ERGIC1: variants seen among roughly 807,000 people sequenced by gnomAD.
ERGIC1 encodes the protein endoplasmic reticulum-golgi intermediate compartment 1.
ERGIC1 carries 19 observed loss-of-function variants against 38.3 expected under a neutral mutation model. That is an observed-to-expected ratio of 0.50 (90% confidence interval 0.35 to 0.73). ERGIC1 has a LOEUF of 0.73. ERGIC1 is among the 30% of genes least tolerant of loss of function. The pLI is 0.01. For synonymous variants in ERGIC1, 124 were observed against 157.6 expected (o/e 0.79, Z 1.60); for missense variants, 294 against 389.2 (o/e 0.76, Z 2.06).
intron 9 of ERGIC1, among the ~76,000 whole-genome samples, chr5:172,947,587 G>A (rs1197603926): frequency 6.6e-6 from 1 of 152,210 alleles, no homozygotes; most frequent in Non-Finnish European, 1.5e-5. Flanking sequence ...ATGGGGGCAC[G>A]TTGAGCAAAA....
In ERGIC1 at chr5:172,901,175, A is replaced by C. The variant is rs368049461; in HGVS notation, c.155+4101A>C. Reference sequence around the variant, plus strand: ...AAATGAGGTCACCGTTGGTTGGATCAACATGGCTCCAGCCCCAGCCTGTGG... The same window carrying C: ...AAATGAGGTCACCGTTGGTTGGATCCACATGGCTCCAGCCCCAGCCTGTGG... On this transcript the variant is annotated intron_variant, in intron 3 of 9. Transcript: ENST00000393784. Among the ~76,000 whole-genome samples the C allele has an allele frequency of 3.9e-5, 6 of 152,376 alleles. No individual in the cohort carries two copies. The East Asian group carries it at 1.2e-3, about 29-fold the overall frequency.
At chr5:172,851,051 A>G (rs1261889832) in intron 1 of ERGIC1, among the ~76,000 whole-genome samples, 1 of 151,226 alleles carries the variant, frequency 6.6e-6, no homozygotes, top group Admixed American at 6.6e-5. Context: ...AATACAAAAA[A>G]TTAGCCGGGC....
chr5:172,935,688 CATT>C (rs1167424770), intron 9 of ERGIC1: 1 of 177,846 alleles, frequency 5.6e-6, no homozygotes, highest in Non-Finnish European at 1.2e-5. Context: ...AGATTGAACT[CATT>C]TTTTTTTCCA....
At chr5:172,869,022 C>T (rs1245379037) in intron 1 of ERGIC1, among the ~76,000 whole-genome samples, 5 of 152,358 alleles carry the variant, frequency 3.3e-5, no homozygotes, top group Non-Finnish European at 5.9e-5. Flanking sequence ...ATCATCTTCT[C>T]CAGTGGTTCT....
intron 2 of ERGIC1, among the ~76,000 whole-genome samples, chr5:172,889,199 G>A (rs1452051626): frequency 2.0e-5 from 3 of 151,960 alleles, no homozygotes; most frequent in South Asian, 2.1e-4. Context: ...CAGGAGAATC[G>A]CTTGAAACAG....
At position 172,870,226 on chromosome 5, in the gene ERGIC1, C is replaced by G. The variant is rs373891605; in HGVS notation, c.21-18473C>G. 1.2e-4 allele frequency among the ~76,000 whole-genome samples: 19 copies of G among 152,144 alleles called. 2 individuals are homozygous for G. Among genetic ancestry groups the G allele is most frequent in the Admixed American group, 8.5e-4 (13 of 15,272 alleles). On this transcript the variant is annotated intron_variant, in intron 1 of 9. Coordinates refer to ENST00000393784, the MANE Select transcript of ERGIC1 (RefSeq NM_001031711.3). ...TATTATTTTATTTTTGAAACACTTG[C>G]CATCATTTTTTAATTGGTGATTTTA...
Position 172,846,842 on chromosome 5 carries a change from C to T in ERGIC1, c.20+12409C>T, listed in dbSNP as rs1043239199. ...ACTAAATAAGTTTGCCTCTGTAAAG[C>T]CCTTAGAACTGTGCCTGGCATCTGT... On this transcript the variant is annotated intron_variant, in intron 1 of 9. Transcript: ENST00000393784. The surrounding 1 kb of genome is among the most constrained non-coding windows in gnomAD (Gnocchi z 4.0). Among the ~76,000 whole-genome samples the T allele has an allele frequency of 6.6e-6, 1 of 152,062 alleles. No homozygotes were observed. The highest frequency in any genetic ancestry group is 1.5e-5 in the Non-Finnish European group (1 of 68,008).
rs1292294818 is a variant in ERGIC1 at position 172,952,575 on chromosome 5, G to A, written c.*1759G>A. Reference sequence around the variant, plus strand: ...GGGGATGTCAGTTTCCTATGGAAGAGACACCTCTGACCCGTTATTCTTATA... The same window carrying A: ...GGGGATGTCAGTTTCCTATGGAAGAAACACCTCTGACCCGTTATTCTTATA... On this transcript the variant is annotated 3_prime_UTR_variant, in exon 10 of 10. Transcript: ENST00000393784. 1 of 150,364 alleles carries A rather than the reference G, an allele frequency of 6.7e-6. No homozygotes were observed. Among genetic ancestry groups the A allele is most frequent in the African/African-American group, 2.4e-5 (1 of 40,866 alleles). The allele number at this position is 150,364 out of a possible 1,614,324, so 9.3% of individuals were successfully genotyped here.
In ERGIC1 at chr5:172,837,274, G is replaced by C. The variant is rs1761059604; in HGVS notation, c.20+2841G>C. ...TTCCTGTCTGTGAAATGGGAATGAG[G>C]AGAGTACTCACCGAAGTAGAACAGT... is the stretch of plus-strand genomic sequence containing the variant. On this transcript the variant is annotated intron_variant, in intron 1 of 9. Transcript: ENST00000393784. This position sits in a 1 kb window ranked among gnomAD's most constrained non-coding sequence, Gnocchi z 4.3. 1.3e-5 allele frequency among the ~76,000 whole-genome samples: 2 copies of C among 152,210 alleles called. No individual in the cohort carries two copies. The highest frequency in any genetic ancestry group is 2.9e-5 in the Non-Finnish European group (2 of 68,046).
chr5:172,859,994 G>A (rs1273302681), intron 1 of ERGIC1, among the ~76,000 whole-genome samples: 1 of 152,252 alleles, frequency 6.6e-6, no homozygotes, highest in African/African-American at 2.4e-5. Context: ...AGGTGCTTCT[G>A]TAGAAAGTAC....
chr5:172,905,774 AAT>A (rs1415922285), intron 3 of ERGIC1, among the ~76,000 whole-genome samples: 1 of 152,188 alleles, frequency 6.6e-6, no homozygotes, highest in African/African-American at 2.4e-5. Context: ...TGCAAGACTT[AAT>A]AGAGTGAAAA....
intron 9 of ERGIC1, among the ~76,000 whole-genome samples, chr5:172,939,810 T>A (rs1763969759): frequency 6.6e-6 from 1 of 152,176 alleles, no homozygotes; most frequent in Non-Finnish European, 1.5e-5. Flanking sequence ...TTGTGGAGCT[T>A]CAAAGGCCCT....
chr5:172,893,781 A>ACATAGAT (rs1762627113), intron 2 of ERGIC1, among the ~76,000 whole-genome samples: 1 of 149,184 alleles, frequency 6.7e-6, no homozygotes, highest in Non-Finnish European at 1.5e-5. Context: ...CAGTAAACTG[A>ACATAGAT]TGTGGAACCT....
chr5:172,839,172 C>T (rs1010836867), intron 1 of ERGIC1, among the ~76,000 whole-genome samples: 3 of 146,234 alleles, frequency 2.1e-5, no homozygotes, highest in Non-Finnish European at 3.0e-5. Flanking sequence ...GCCCGGGAGA[C>T]GGAGGTTGCA....
intron 1 of ERGIC1, among the ~76,000 whole-genome samples, chr5:172,836,118 A>G (rs942559957): frequency 6.6e-6 from 1 of 152,178 alleles, no homozygotes; most frequent in African/African-American, 2.4e-5. Context: ...CCGTCTTACC[A>G]AGGAGGAAAT....
chr5:172,888,559 A>G, intron 1 of ERGIC1, 140 bp from the exon 2 acceptor site: 1 of 724,570 alleles, frequency 1.4e-6, no homozygotes, highest in South Asian at 1.5e-5. Context: ...TCTTGGAGAA[A>G]GTGTCCTGAA....
At chr5:172,853,561 T>TGGGGCTG (rs972357009) in intron 1 of ERGIC1, among the ~76,000 whole-genome samples, 1 of 152,172 alleles carries the variant, frequency 6.6e-6, no homozygotes, top group African/African-American at 2.4e-5. Flanking sequence ...TCTGCGCAAC[T>TGGGGCTG]GGGGCTGGGG....
rs1169859580 is a variant in ERGIC1, at chr5:172,876,937, C to T, written c.21-11762C>T. 2.6e-5 allele frequency among the ~76,000 whole-genome samples: 4 copies of T among 151,680 alleles called. No individual in the cohort carries two copies. In the South Asian group the frequency reaches 8.3e-4, roughly 31 times the overall value. On this transcript the variant is annotated intron_variant, in intron 1 of 9. Coordinates refer to ENST00000393784, the MANE Select transcript of ERGIC1 (RefSeq NM_001031711.3). Reference sequence around the variant, plus strand: ...AGCCTGGGCGACAAGAGTGAAACTCCGTCTCAAAAAAAAAAATTTAATGAA... The same window carrying T: ...AGCCTGGGCGACAAGAGTGAAACTCTGTCTCAAAAAAAAAAATTTAATGAA...
At chr5:172,927,901 C>T (rs114442273) in intron 7 of ERGIC1, among the ~76,000 whole-genome samples, 364 of 152,268 alleles carry the variant, frequency 2.4e-3, no homozygotes, top group African/African-American at 8.2e-3. Flanking sequence ...TTCACTGTGG[C>T]AATAATGCCT....
Sources: allele counts gnomAD v4.1 joint callset (sites outside exome capture counted in the v4.1 genomes callset), GRCh38; gene constraint gnomAD v4.1.1; non-coding constraint Gnocchi (gnomAD v3.1); transcripts MANE v1.5; gene names NCBI Gene and HGNC (gene_info 2026-07-23, HGNC 2026-07-21).